ARNT: variants seen among roughly 807,000 people sequenced by gnomAD.
The protein encoded by ARNT is class E basic helix-loop-helix protein 2.
A neutral mutation model predicts 105.0 loss-of-function variants in ARNT; 30 were observed. That is an observed-to-expected ratio of 0.29 (90% CI 0.21 to 0.39). The LOEUF (loss-of-function observed/expected upper bound fraction) is 0.39, where lower values mean the gene tolerates loss of function less well. ARNT is among the 10% of genes least tolerant of loss of function. The probability of loss-of-function intolerance (pLI) is 1.00; values close to 1 mark genes in which losing one functional copy is unlikely to be tolerated. For missense variants in ARNT, 748 were observed against 978.7 expected, an observed-to-expected ratio of 0.76 and a Z score of 3.15; for synonymous variants, 304 against 344.0, an observed-to-expected ratio of 0.88 and a Z score of 1.29.
chr1:150,876,183 T>A (rs1160922027), intron 1 of ARNT, among the ~76,000 whole-genome samples: 2 of 152,212 alleles, frequency 1.3e-5, no homozygotes, highest in East Asian at 3.9e-4. Context: ...GCCTACAGTT[T>A]TCGGCATCAA....
At chr1:150,870,116 T>C (rs1371560001) in intron 1 of ARNT, among the ~76,000 whole-genome samples, 4 of 150,934 alleles carry the variant, frequency 2.7e-5, no homozygotes, top group Admixed American at 2.6e-4. Context: ...TAAAATTCTG[T>C]CTCTAACTTC....
intron 3 of ARNT, among the ~76,000 whole-genome samples, chr1:150,850,625 C>T (rs1207288893): frequency 2.6e-5 from 4 of 152,244 alleles, no homozygotes; most frequent in Non-Finnish European, 5.9e-5. Flanking sequence ...GTGATCTCGG[C>T]TCGCTACAAC....
At chr1:150,860,488 T>TTAC (rs1411776883) in intron 1 of ARNT, among the ~76,000 whole-genome samples, 1 of 151,424 alleles carries the variant, frequency 6.6e-6, no homozygotes, top group African/African-American at 2.4e-5. Flanking sequence ...AATGCTAGGA[T>TTAC]TACAGGCATG....
chr1:150,817,218 A>G lies in ARNT; in HGVS notation c.1579-16T>C. 6.2e-7 allele frequency: 1 copy of G among 1,613,636 alleles called. No individual in the cohort carries two copies. The highest frequency in any genetic ancestry group is 8.5e-7 in the Non-Finnish European group (1 of 1,179,886). On this transcript the variant is annotated splice_polypyrimidine_tract_variant and intron_variant, in intron 16 of 21. Transcript: ENST00000358595. ...GCTGAACCACCTGTGGAATACAATGATAAAAATAACCATTAAAGATTTAAC... is the reference window on the plus strand; with the variant it reads ...GCTGAACCACCTGTGGAATACAATGGTAAAAATAACCATTAAAGATTTAAC...
intron 2 of ARNT, among the ~76,000 whole-genome samples, chr1:150,855,277 G>C (rs1359019808): frequency 6.6e-6 from 1 of 152,068 alleles, no homozygotes; most frequent in African/African-American, 2.4e-5. Flanking sequence ...GTTTATGGCT[G>C]TGCGCAGTGG....
Position 150,836,267 on chromosome 1 carries a change from A to G in ARNT, c.700+13T>C, listed in dbSNP as rs774198178. 6.2e-6 allele frequency: 10 copies of G among 1,612,726 alleles called. No homozygotes were observed. In the South Asian group the frequency reaches 8.8e-5, roughly 14 times the overall value. On this transcript the variant is annotated intron_variant, in intron 7 of 21. Transcript: ENST00000358595. Reference sequence around the variant, plus strand: ...AGGACTTCTCATTCATTTCCCATACACATAACTCTCACCTGTCAGGGCATT... The same window carrying G: ...AGGACTTCTCATTCATTTCCCATACGCATAACTCTCACCTGTCAGGGCATT...
intron 10 of ARNT, 27 bp downstream of exon 10, chr1:150,831,791 G>C (rs747042920): frequency 6.5e-7 from 1 of 1,535,764 alleles, no homozygotes; most frequent in South Asian, 1.1e-5. Context: ...GTACCAAGGG[G>C]AAATATTTAC....
intron 2 of ARNT, among the ~76,000 whole-genome samples, chr1:150,855,965 C>T (rs1014205465): frequency 2.0e-5 from 3 of 151,598 alleles, no homozygotes; most frequent in African/African-American, 4.9e-5. Context: ...TGTGTGTGTG[C>T]GTGTGTATTG....
chr1:150,836,228 G>A, intron 7 of ARNT, 52 bp downstream of exon 7: 10 of 1,572,618 alleles, frequency 6.4e-6, no homozygotes, highest in African/African-American at 1.4e-5. Flanking sequence ...TAAGTCTCAG[G>A]AAAAAAACAA....
intron 12 of ARNT, among the ~76,000 whole-genome samples, 162 bp from the exon 13 acceptor site, chr1:150,826,779 G>A (rs1183049524): frequency 6.6e-6 from 1 of 151,898 alleles, no homozygotes; most frequent in Admixed American, 6.6e-5. Context: ...CAAGTAGCTG[G>A]GATTACAGGG....
chr1:150,843,462 C>G (rs1292685039), intron 4 of ARNT, among the ~76,000 whole-genome samples: 1 of 151,980 alleles, frequency 6.6e-6, no homozygotes, highest in African/African-American at 2.4e-5. Flanking sequence ...ATAACCTTAT[C>G]AATATATGGG....
At position 150,810,080 on chromosome 1, in the gene ARNT, C is replaced by T. The variant is rs1654452066; in HGVS notation, c.*1941G>A. ...AATGATAAAGCCGCAATCAAGATCA[C>T]ACAACACAAGAAATTTTACAAAAGG... On this transcript the variant is annotated 3_prime_UTR_variant, in exon 22 of 22. Transcript: ENST00000358595. The T allele has an allele frequency of 4.3e-6, 1 of 230,126 alleles. No individual in the cohort carries two copies. The highest frequency in any genetic ancestry group is 5.7e-5 in the Admixed American group (1 of 17,670). The allele number at this position is 230,126 out of a possible 1,614,324, so 14.3% of individuals were successfully genotyped here. A position where few individuals can be genotyped will look rare whatever the true frequency, so the allele number is the denominator to read the frequency against.
chr1:150,842,199 A>T, intron 5 of ARNT: 1 of 907,126 alleles, frequency 1.1e-6, no homozygotes, highest in Non-Finnish European at 1.3e-6. Context: ...ACTTAAAACT[A>T]ATAGCAATTT....
Position 150,829,994 on chromosome 1 carries a change from A to C in ARNT, c.956-14T>G, listed in dbSNP as rs886981032. On this transcript the variant is annotated splice_polypyrimidine_tract_variant and intron_variant, in intron 10 of 21. Coordinates refer to ENST00000358595, the MANE Select transcript of ARNT (RefSeq NM_001668.4). ...GGAGGGAAACACCTTCAGAAACGTG[A>C]CGTTAAAAGGTTTAACGGGGACCTC... 6 of 1,614,106 alleles carry C rather than the reference A, an allele frequency of 3.7e-6. No individual in the cohort carries two copies. The Admixed American group carries it at 1.0e-4, about 27-fold the overall frequency.
In ARNT at chr1:150,832,528, A is replaced by G. The variant is rs370080791; in HGVS notation, c.804-129T>C. On this transcript the variant is annotated intron_variant, in intron 8 of 21. Transcript: ENST00000358595. The stretch of plus-strand genomic sequence containing the variant: ...AAATTGGTAATGCTACTAATAATGA[A>G]GGATAAAGATAGGTCAAGTTTAGTA... The G allele has an allele frequency of 5.4e-5, 46 of 854,930 alleles. No homozygotes were observed. In the East Asian group the frequency reaches 6.7e-4, roughly 13 times the overall value. The allele number at this position is 854,930 out of a possible 1,614,324, so 53.0% of individuals were successfully genotyped here.
chr1:150,856,163 G>A (rs753040360), intron 2 of ARNT, among the ~76,000 whole-genome samples: 22 of 152,166 alleles, frequency 1.4e-4, no homozygotes, highest in African/African-American at 3.6e-4. Flanking sequence ...AATATGGGCC[G>A]GGTGCAGTGG....
chr1:150,817,104 T>A lies in ARNT; in HGVS notation c.1677A>T (p.Glu559Asp), dbSNP rs778515405. Residue 559 changes from glutamate (E) to aspartate (D), a missense_variant, in exon 17 of 22, where the codon GAA becomes GAT. Around this residue, in one of 4 missense-constraint regions of ARNT, gnomAD observed 360 missense variants for 411.9 expected, o/e 0.87. Transcript: ENST00000358595. ...TACCCGCATTGATGTTGTGATAGAT[T>A]TCTGAAAATCTTGGATCTCTATCCT... ...FAQDRDPRFS[E>D]IYHNINADQS... is the part of the protein sequence containing the mutation. The A allele has an allele frequency of 6.2e-7, 1 of 1,614,148 alleles. No individual in the cohort carries two copies. The highest frequency in any genetic ancestry group is 8.5e-7 in the Non-Finnish European group (1 of 1,180,036).
At chr1:150,835,328 G>A (rs1660128926) in intron 7 of ARNT, among the ~76,000 whole-genome samples, 1 of 152,154 alleles carries the variant, frequency 6.6e-6, no homozygotes, top group African/African-American at 2.4e-5. Context: ...CTGGTCAAGT[G>A]TGGTGGCTCA....
At chr1:150,845,509 G>A (rs1032637717) in intron 4 of ARNT, among the ~76,000 whole-genome samples, 2 of 152,128 alleles carry the variant, frequency 1.3e-5, no homozygotes, top group African/African-American at 2.4e-5. Flanking sequence ...TAGGGAGGCT[G>A]AGGTGGAAGA....
Sources: allele counts gnomAD v4.1 joint callset (sites outside exome capture counted in the v4.1 genomes callset), GRCh38; gene constraint gnomAD v4.1.1; regional missense constraint gnomAD v4.1.1; transcripts MANE v1.5; gene names NCBI Gene and HGNC (gene_info 2026-07-23, HGNC 2026-07-21).